Variants in CHRNA1 observed in about 807,000 individuals in gnomAD.
CHRNA1 encodes the protein acetylcholine receptor subunit alpha.
A neutral mutation model predicts 47.1 loss-of-function variants in CHRNA1; 35 were observed. The ratio of observed to expected loss-of-function variants is 0.74; its 90% CI spans 0.57 to 0.99. The LOEUF (loss-of-function observed/expected upper bound fraction) is 0.99. Among genes scored for constraint, CHRNA1 ranks in the 50% least tolerant of loss-of-function variants. CHRNA1 has a pLI of 0.00. For synonymous variants in CHRNA1, 229 were observed against 223.6 expected (o/e 1.02, Z -0.22); for missense variants, 506 against 591.1 (o/e 0.86, Z 1.49).
chr2:174,762,242 C>T (rs1242567649), intron 1 of CHRNA1, among the ~76,000 whole-genome samples: 1 of 152,190 alleles, frequency 6.6e-6, no homozygotes, highest in Non-Finnish European at 1.5e-5. Flanking sequence ...TGATAGAAAA[C>T]TCACAGGGCT....
rs137852806 is a variant in CHRNA1, at chr2:174,750,122, A to G, written c.826T>C (p.Phe276Leu). The G allele has an allele frequency of 6.2e-7, 1 of 1,613,878 alleles. No homozygotes were observed. The highest frequency in any genetic ancestry group is 8.5e-7 in the Non-Finnish European group (1 of 1,179,986). ...SISVLLSLTVFLLVIVELIPS... is the reference protein window; with the variant it reads ...SISVLLSLTVLLLVIVELIPS... The stretch of plus-strand genomic sequence containing the variant: ...ATCAGCTCCACGATGACCAGAAGGA[A>G]CACAGTCAAAGACAGTAAGACAGAG... Residue 276 changes from phenylalanine (F) to leucine (L), a missense_variant, in exon 7 of 9, where the codon TTC becomes CTC. Transcript: ENST00000348749.
At chr2:174,759,676 C>T (rs1382459328) in intron 1 of CHRNA1, 43 bp from the exon 2 acceptor site, 8 of 1,607,924 alleles carry the variant, frequency 5.0e-6, no homozygotes, top group African/African-American at 2.7e-5. Context: ...TTCTTCTCCC[C>T]ACCCTCCAAA....
intron 4 of CHRNA1, among the ~76,000 whole-genome samples, chr2:174,755,470 A>AG (rs1299599525): frequency 6.6e-6 from 1 of 150,388 alleles, no homozygotes; most frequent in Non-Finnish European, 1.5e-5. Context: ...CCCAGGCTGG[A>AG]GTGCAGTGGC....
intron 4 of CHRNA1, among the ~76,000 whole-genome samples, chr2:174,755,664 C>T (rs981911125): frequency 6.6e-6 from 1 of 151,968 alleles, no homozygotes; most frequent in Non-Finnish European, 1.5e-5. Flanking sequence ...GTGATCTGCC[C>T]GCCTCAGCCT....
intron 3 of CHRNA1, among the ~76,000 whole-genome samples, chr2:174,758,269 C>T (rs372397872): frequency 4.6e-5 from 7 of 152,120 alleles, no homozygotes; most frequent in East Asian, 3.9e-4. Flanking sequence ...ATTAGCCGGG[C>T]GTGGTGGTAG....
intron 4 of CHRNA1, among the ~76,000 whole-genome samples, chr2:174,755,213 G>C (rs36006959): frequency 2.0e-5 from 3 of 151,998 alleles, no homozygotes; most frequent in Admixed American, 1.3e-4. Flanking sequence ...GAACGATTTA[G>C]AACTCATTGG....
intron 5 of CHRNA1, 88 bp downstream of exon 5, chr2:174,754,131 T>G: frequency 8.2e-7 from 1 of 1,221,294 alleles, no homozygotes; most frequent in Non-Finnish European, 1.2e-6. Context: ...TAACTGGTAC[T>G]GAGAGCCTAT....
In CHRNA1 at chr2:174,750,161, T is replaced by A. The variant is rs781359883; in HGVS notation, c.787A>T (p.Met263Leu). 2 of 1,592,528 alleles carry A rather than the reference T, an allele frequency of 1.3e-6. No individual in the cohort carries two copies. The highest frequency in any genetic ancestry group is 8.5e-7 in the Non-Finnish European group (1 of 1,171,952). Residue 263 changes from methionine (M) to leucine (L), a missense_variant, in exon 7 of 9, where the codon ATG becomes TTG. Met to Leu is a conservative substitution (Grantham distance 15, BLOSUM62 2). Transcript: ENST00000348749. ...FYLPTDSGEK[M>L]TLSISVLLSL... Reference sequence around the variant, plus strand: ...AGTAAGACAGAGATGCTCAGAGTCATCTTCTCCCCTGAAAAGACCAAAAAA... The same window carrying A: ...AGTAAGACAGAGATGCTCAGAGTCAACTTCTCCCCTGAAAAGACCAAAAAA...
Position 174,754,750 on chromosome 2 carries a change from T to C in CHRNA1, c.345-336A>G, listed in dbSNP as rs1416105696. ...ATTATTTTTCCAGCCCTCACAAGTA[T>C]TTGTAATGTTAATCTTCATCTATCA... On this transcript the variant is annotated intron_variant, in intron 4 of 8. Coordinates refer to ENST00000348749, the MANE Select transcript of CHRNA1 (RefSeq NM_000079.4). Among the ~76,000 whole-genome samples the C allele has an allele frequency of 2.6e-5, 4 of 152,130 alleles. No individual in the cohort carries two copies. The East Asian group carries it at 7.7e-4, about 29-fold the overall frequency.
chr2:174,762,432 T>C (rs548926723), intron 1 of CHRNA1, among the ~76,000 whole-genome samples: 10 of 152,252 alleles, frequency 6.6e-5, no homozygotes, highest in Non-Finnish European at 1.3e-4. Flanking sequence ...AAGATTATAT[T>C]TGTAATCTTT....
chr2:174,761,909 G>C (rs569309400), intron 1 of CHRNA1, among the ~76,000 whole-genome samples: 6 of 152,328 alleles, frequency 3.9e-5, no homozygotes, highest in African/African-American at 1.4e-4. Context: ...CTTTGGCCTT[G>C]CCTTGGGCTG....
In CHRNA1 at chr2:174,751,052, G is replaced by A. The variant is rs574150432; in HGVS notation, c.779-883C>T. ...GGAAGGCTAAGGAGTTCTCCTTGAC[G>A]TCCTGAGTGATCTTCTGATACAGTG... is the stretch of plus-strand genomic sequence containing the variant. On this transcript the variant is annotated intron_variant, in intron 6 of 8. Coordinates refer to ENST00000348749, the MANE Select transcript of CHRNA1 (RefSeq NM_000079.4). Among the ~76,000 whole-genome samples the A allele has an allele frequency of 7.2e-5, 11 of 152,320 alleles. No homozygotes were observed. In the South Asian group the frequency reaches 1.5e-3, roughly 20 times the overall value.
intron 4 of CHRNA1, among the ~76,000 whole-genome samples, chr2:174,756,813 A>AC (rs1169072819): frequency 6.6e-6 from 1 of 151,924 alleles, no homozygotes; most frequent in Non-Finnish European, 1.5e-5. Context: ...CAGCTTGTGG[A>AC]CCCCCGACAC....
Position 174,764,447 on chromosome 2 carries a change from C to T in CHRNA1, c.-53G>A, listed in dbSNP as rs1574014817. On this transcript the variant is annotated 5_prime_UTR_variant, in exon 1 of 9. In the 5' UTR this introduces an upstream ATG that the reference lacks. Coordinates refer to ENST00000348749, the MANE Select transcript of CHRNA1 (RefSeq NM_000079.4). ...GCAGAGTGGTGGCCTGTGCTTCTCA[C>T]TGGCACTCTGGCTGGGTGCTTGTCT... is the stretch of plus-strand genomic sequence containing the variant. 1.9e-6 allele frequency: 3 copies of T among 1,580,508 alleles called. No homozygotes were observed. The highest frequency in any genetic ancestry group is 2.3e-5 in the East Asian group (1 of 44,238).
At position 174,759,609 on chromosome 2, in the gene CHRNA1, T is replaced by C. The variant is rs1217944584; in HGVS notation, c.68A>G (p.His23Arg). The C allele has an allele frequency of 1.2e-6, 2 of 1,613,818 alleles. No individual in the cohort carries two copies. Among genetic ancestry groups the C allele is most frequent in the Admixed American group, 1.7e-5 (1 of 60,006 alleles). Residue 23 changes from histidine to arginine, a missense_variant, in exon 2 of 9, where the codon CAT (histidine) becomes CGT (arginine). Physicochemically the swap from His to Arg is conservative, Grantham distance 29. Transcript: ENST00000348749. ...CSAGLVLGSE[H>R]ETRLVAKLFK... ...TAGCTTTGCCACCAGACGGGTCTCA[T>C]GTTCGGAGCCCAGGACGAGGCCAGC...
At chr2:174,749,359 T>C (rs917289003) in intron 7 of CHRNA1, among the ~76,000 whole-genome samples, 1 of 152,234 alleles carries the variant, frequency 6.6e-6, no homozygotes, top group Admixed American at 6.5e-5. Context: ...TTTTGTCAAT[T>C]CCTGACAAAT....
chr2:174,758,035 A>T (rs1232419529), intron 3 of CHRNA1: 7 of 1,613,974 alleles, frequency 4.3e-6, no homozygotes, highest in Non-Finnish European at 5.9e-6. Flanking sequence ...CCACCCACAG[A>T]AAAGGAGAAA....
Position 174,757,551 on chromosome 2 carries a change from A to G in CHRNA1, c.344+15T>C, listed in dbSNP as rs771657663. The G allele has an allele frequency of 3.2e-5, 51 of 1,599,952 alleles. 1 individual carries two copies. The highest frequency in any genetic ancestry group is 1.7e-4 in the Middle Eastern group (1 of 6,032). ...GCCCCAGGAGCACCCTCCGCCACCC[A>G]TGCAGTTTGCTCACTTGTTATAGAG... On this transcript the variant is annotated intron_variant, in intron 4 of 8. Transcript: ENST00000348749.
intron 1 of CHRNA1, among the ~76,000 whole-genome samples, chr2:174,761,779 G>C (rs1438783200): frequency 6.6e-6 from 1 of 152,150 alleles, no homozygotes; most frequent in Non-Finnish European, 1.5e-5. Context: ...TGAGCCCCTG[G>C]GACTTGATAA....
Sources: allele counts gnomAD v4.1 joint callset (sites outside exome capture counted in the v4.1 genomes callset), GRCh38; gene constraint gnomAD v4.1.1; transcripts MANE v1.5; gene names NCBI Gene and HGNC (gene_info 2026-07-23, HGNC 2026-07-21).